RGS3: variants seen among roughly 807,000 people sequenced by gnomAD.
RGS3 encodes the protein regulator of G protein signaling 3, also known as regulator of G-protein signalling 3.
Under a neutral mutation model 132.6 loss-of-function variants are expected in RGS3, and 80 were observed. The ratio of observed to expected loss-of-function variants is 0.60; its 90% CI spans 0.50 to 0.73. The LOEUF is 0.73. Among genes scored for constraint, RGS3 ranks in the 30% least tolerant of loss-of-function variants. The pLI is 0.00. For missense variants in RGS3, 1,382 were observed against 1,530.8 expected, an observed-to-expected ratio of 0.90 and a Z score of 1.62; for synonymous variants, 598 against 620.6, an observed-to-expected ratio of 0.96 and a Z score of 0.54.
At chr9:113,465,930 A>C (rs1829626266) in intron 3 of RGS3, among the ~76,000 whole-genome samples, 1 of 152,112 alleles carries the variant, frequency 6.6e-6, no homozygotes, top group African/African-American at 2.4e-5. Flanking sequence ...CCCCTCTTTC[A>C]GGCTGCTGAT....
rs776302293 is a variant in RGS3 at position 113,463,786 on chromosome 9, G to A, written c.415+1585G>A. ...CTCGGGTTGCAGACGCTCCTGTCCG[G>A]GTCGCAGTGGGACGCCATGGAGCGC... On this transcript the variant is annotated intron_variant, in intron 3 of 24. Coordinates refer to ENST00000350696, the Ensembl canonical transcript of RGS3. The surrounding 1 kb of genome is among the most constrained non-coding windows in gnomAD (Gnocchi z 4.6). 1.6e-5 allele frequency: 26 copies of A among 1,603,498 alleles called. No homozygotes were observed. In the South Asian group the frequency reaches 2.7e-4, roughly 17 times the overall value.
At position 113,488,875 on chromosome 9, in the gene RGS3, C is replaced by T. The variant is rs546631017; in HGVS notation, c.689+3182C>T. Among the ~76,000 whole-genome samples, 450 of 152,326 alleles carry T rather than the reference C, an allele frequency of 3.0e-3. 1 individual carries two copies. The highest frequency in any genetic ancestry group is 5.1e-3 in the Admixed American group (78 of 15,302). On this transcript the variant is annotated intron_variant, in intron 7 of 24. Transcript: ENST00000350696. ...TCGATCCATTTCGGAGCGAGAAGGC[C>T]TCTGAGCTGGAGGAGGCAGACAGAG...
chr9:113,537,288 T>TTTAACATTGGCCCCAGG lies in RGS3; in HGVS notation c.2037+371_2037+387dup, dbSNP rs1269346776. On this transcript the variant is annotated intron_variant, in intron 19 of 24. Transcript: ENST00000350696. This position sits in a 1 kb window ranked among gnomAD's most constrained non-coding sequence, Gnocchi z 4.3. ...TGTGCCTGGGGGCAGCACACTGGTG[T>TTTAACATTGGCCCCAGG]TTAACATTGGCCCCAGGCGGATGCG... 7.2e-5 allele frequency among the ~76,000 whole-genome samples: 11 copies of TTTAACATTGGCCCCAGG among 152,204 alleles called. No homozygotes were observed. The highest frequency in any genetic ancestry group is 1.3e-4 in the Non-Finnish European group (9 of 68,036).
At position 113,579,152 on chromosome 9, in the gene RGS3, G is replaced by C. The variant is rs370213493; in HGVS notation, c.2038-4298G>C. On this transcript the variant is annotated intron_variant, in intron 19 of 24. Coordinates refer to ENST00000350696, the Ensembl canonical transcript of RGS3. This position sits in a 1 kb window ranked among gnomAD's most constrained non-coding sequence, Gnocchi z 4.3. ...TCCGTGGTGGCTGTGATGAATCATC[G>C]GAGTGAGAGCTGCAGGTTGTCCCTG... Among the ~76,000 whole-genome samples the C allele has an allele frequency of 6.6e-6, 1 of 152,176 alleles. No homozygotes were observed. Among genetic ancestry groups the C allele is most frequent in the Non-Finnish European group, 1.5e-5 (1 of 68,026 alleles).
intron 4 of RGS3, among the ~76,000 whole-genome samples, chr9:113,482,046 CAA>C (rs1234435107): frequency 7.4e-5 from 7 of 95,066 alleles, no homozygotes; most frequent in African/African-American, 8.1e-5. Context: ...AACTCCATCT[CAA>C]AAAAAAAAAA....
intron 4 of RGS3, among the ~76,000 whole-genome samples, chr9:113,480,016 G>C (rs929737103): frequency 1.3e-5 from 2 of 152,184 alleles, no homozygotes; most frequent in African/African-American, 2.4e-5. Flanking sequence ...GAGTGGCCTT[G>C]AACAAGCTCC....
intron 19 of RGS3, among the ~76,000 whole-genome samples, chr9:113,551,640 A>G (rs1205378630): frequency 2.0e-5 from 3 of 152,222 alleles, no homozygotes; most frequent in East Asian, 3.9e-4. Flanking sequence ...GCTTGAGTCC[A>G]GAGTTCAAGA....
intron 4 of RGS3, among the ~76,000 whole-genome samples, chr9:113,482,046 CA>C (rs1234435107): frequency 0.16 from 15,195 of 94,950 alleles, 812 homozygotes; most frequent in Non-Finnish European, 0.18. Context: ...AACTCCATCT[CA>C]AAAAAAAAAA....
intron 19 of RGS3, among the ~76,000 whole-genome samples, chr9:113,547,145 G>A (rs926803764): frequency 1.6e-4 from 24 of 152,172 alleles, no homozygotes; most frequent in Non-Finnish European, 3.2e-4. Context: ...GTGGTCCATG[G>A]AAACATTTCC....
chr9:113,593,778 C>T lies in RGS3; in HGVS notation c.3081-652C>T, dbSNP rs535642466. Reference sequence around the variant, plus strand: ...TGAATTCTGCTGCCTCCTTGGGGACCGGCAAGGCTAAAAATGGTTCTTGGC... The same window carrying T: ...TGAATTCTGCTGCCTCCTTGGGGACTGGCAAGGCTAAAAATGGTTCTTGGC... On this transcript the variant is annotated intron_variant, in intron 21 of 24. Transcript: ENST00000350696. The T allele has an allele frequency of 3.7e-3, 2,836 of 772,750 alleles. 12 individuals carry two copies. Among genetic ancestry groups the T allele is most frequent in the Non-Finnish European group, 5.5e-3 (2,568 of 468,322 alleles). 47.9% of individuals were successfully genotyped at this position (772,750 alleles called of 1,614,324 possible).
chr9:113,589,705 G>A (rs1022625412), intron 20 of RGS3, among the ~76,000 whole-genome samples: 8 of 152,228 alleles, frequency 5.3e-5, no homozygotes, highest in African/African-American at 1.9e-4. Context: ...ACTGAAGGGT[G>A]CCCTGAATGG....
intron 19 of RGS3, among the ~76,000 whole-genome samples, chr9:113,560,915 G>A (rs770453523): frequency 6.6e-6 from 1 of 152,174 alleles, no homozygotes; most frequent in Non-Finnish European, 1.5e-5. Context: ...TGGGGTATCT[G>A]GGGATGATGA....
chr9:113,495,881 C>A (rs764360713), intron 8 of RGS3, 35 bp downstream of exon 6: 14 of 1,576,874 alleles, frequency 8.9e-6, no homozygotes, highest in Non-Finnish European at 1.2e-5. Context: ...AGGATCATCC[C>A]AACTGGGCCG....
intron 19 of RGS3, among the ~76,000 whole-genome samples, chr9:113,543,866 A>G (rs955061543): frequency 6.6e-6 from 1 of 152,326 alleles, no homozygotes; most frequent in African/African-American, 2.4e-5. Flanking sequence ...AGTGGACATC[A>G]GTTCCTGGTG....
In RGS3 at chr9:113,594,910, AC is replaced by A. The variant is rs1247618407; in HGVS notation, c.3183-5del. The A allele has an allele frequency of 1.2e-6, 2 of 1,613,444 alleles. No individual in the cohort carries two copies. Among genetic ancestry groups the A allele is most frequent in the Non-Finnish European group, 8.5e-7 (1 of 1,179,618 alleles). On this transcript the variant is annotated splice_polypyrimidine_tract_variant and splice_region_variant and intron_variant, in intron 22 of 24. Coordinates refer to ENST00000350696, the Ensembl canonical transcript of RGS3. ...GTGCCCTCACTGTGTTTCCTCCCTCACCCCTCAGGCCCACCTCAGAGGAAGC... is the reference window on the plus strand; with the variant it reads ...GTGCCCTCACTGTGTTTCCTCCCTCACCCTCAGGCCCACCTCAGAGGAAGC...
At chr9:113,485,809 G>A in intron 7 of RGS3, 116 bp downstream of exon 5, 1 of 696,998 alleles carries the variant, frequency 1.4e-6, no homozygotes, top group Non-Finnish European at 2.5e-6. Flanking sequence ...GAGTGATAGT[G>A]GCAATACTAA....
At chr9:113,534,722 C>T (rs1832611112) in intron 18 of RGS3, among the ~76,000 whole-genome samples, 1 of 151,792 alleles carries the variant, frequency 6.6e-6, no homozygotes, top group Non-Finnish European at 1.5e-5. Flanking sequence ...AGCAATCCTC[C>T]CACCTTATCC....
intron 10 of RGS3, chr9:113,501,453 C>T: frequency 6.7e-7 from 1 of 1,492,390 alleles, no homozygotes; most frequent in Non-Finnish European, 8.9e-7. Flanking sequence ...TGATTTCCTG[C>T]CATTCTTCTG....
chr9:113,534,346 T>C (rs1420808478), intron 18 of RGS3, among the ~76,000 whole-genome samples: 1 of 152,164 alleles, frequency 6.6e-6, no homozygotes, highest in African/African-American at 2.4e-5. Flanking sequence ...TTTTCACAAG[T>C]TGTAATTACA....
Sources: gnomAD v4.1 joint callset for allele counts (sites outside exome capture counted in the v4.1 genomes callset) on GRCh38, gnomAD v4.1.1 for gene constraint, Gnocchi (gnomAD v3.1) non-coding constraint, MANE v1.5 for transcripts, NCBI Gene and HGNC (gene_info 2026-07-23, HGNC 2026-07-21) for gene names.